Variants in PCF11 observed in about 807,000 individuals in gnomAD.
PCF11 encodes the protein pre-mRNA cleavage complex 2 protein Pcf11.
A neutral mutation model predicts 166.1 loss-of-function variants in PCF11; 19 were observed. The ratio of observed to expected loss-of-function variants is 0.11; its 90% CI spans 0.08 to 0.17. The LOEUF (loss-of-function observed/expected upper bound fraction) is 0.17. PCF11 is among the 10% of genes least tolerant of loss of function. The pLI, the probability that PCF11 is intolerant of heterozygous loss-of-function variation, is 1.00. For missense variants in PCF11, 1,565 were observed against 1,855.5 expected (o/e 0.84, Z 2.88); for synonymous variants, 663 against 644.1 (o/e 1.03, Z -0.44).
exon 8 of PCF11, chr11:83,168,704 G>A (rs753536319): frequency 2.5e-6 from 4 of 1,613,928 alleles, no homozygotes; most frequent in East Asian, 2.2e-5. Flanking sequence ...GCTTCTCTTC[G>A]GTTTGATGGG....
chr11:83,168,728 TGGG>T (rs754656337), exon 8 of PCF11: 130 of 1,613,550 alleles, frequency 8.1e-5, no homozygotes, highest in Non-Finnish European at 1.0e-4. Context: ...CCAGGACAAA[TGGG>T]GGGAGGAGGC....
exon 16 of PCF11, chr11:83,184,982 T>A (rs1222912750): frequency 8.8e-6 from 7 of 798,536 alleles, no homozygotes; most frequent in South Asian, 7.4e-5. Context: ...TATATAGACA[T>A]ATCTATATAA....
chr11:83,167,697 G>A lies in PCF11; in HGVS notation c.2092+192G>A. 1.3e-6 allele frequency: 2 copies of A among 1,509,206 alleles called. No homozygotes were observed. Among genetic ancestry groups the A allele is most frequent in the Non-Finnish European group, 1.8e-6 (2 of 1,130,680 alleles). 93.5% of individuals were successfully genotyped at this position (1,509,206 alleles called of 1,614,324 possible). A position where few individuals can be genotyped will look rare whatever the true frequency, so the allele number is the denominator to read the frequency against. ...TGATATTTTTGACTACCCTTTGACT[G>A]ATGCCTTGTTGTCTGGAATAGAATG... On this transcript the variant is annotated intron_variant, in intron 7 of 15. Coordinates refer to ENST00000298281, the Ensembl canonical transcript of PCF11. The surrounding 1 kb of genome is among the most constrained non-coding windows in gnomAD (Gnocchi z 4.2).
In PCF11 at chr11:83,179,777, C is replaced by T. The variant is rs112909373; in HGVS notation, c.3984-1231C>T. Among the ~76,000 whole-genome samples, 178 of 151,924 alleles carry T rather than the reference C, an allele frequency of 1.2e-3. 1 individual carries two copies. Among genetic ancestry groups the T allele is most frequent in the African/African-American group, 4.1e-3 (169 of 41,470 alleles). On this transcript the variant is annotated intron_variant, in intron 11 of 15. Coordinates refer to ENST00000298281, the Ensembl canonical transcript of PCF11. ...ACTAGAAATACTAAAATTAGCTGGGCGTGGTAGTGGGCACTTGTAATCCCA... is the reference window on the plus strand; with the variant it reads ...ACTAGAAATACTAAAATTAGCTGGGTGTGGTAGTGGGCACTTGTAATCCCA...
At chr11:83,163,332 T>C (rs1337255202) in intron 2 of PCF11, among the ~76,000 whole-genome samples, 2 of 152,146 alleles carry the variant, frequency 1.3e-5, no homozygotes, top group Non-Finnish European at 2.9e-5. Context: ...ATTTTTCTAG[T>C]TGTTTTATAT....
At chr11:83,177,161 A>G in exon 10 of PCF11, 1 of 1,578,754 alleles carries the variant, frequency 6.3e-7, no homozygotes, top group South Asian at 1.2e-5. Context: ...AATTGCTAAA[A>G]ACAGGAATTC....
At chr11:83,175,302 T>C (rs1860837375) in intron 9 of PCF11, among the ~76,000 whole-genome samples, 1 of 152,140 alleles carries the variant, frequency 6.6e-6, no homozygotes, top group Non-Finnish European at 1.5e-5. Context: ...CGGCTAATTT[T>C]TGTATTTTTT....
chr11:83,173,460 A>G (rs1452808325), intron 9 of PCF11, among the ~76,000 whole-genome samples: 1 of 151,594 alleles, frequency 6.6e-6, no homozygotes, highest in Non-Finnish European at 1.5e-5. Flanking sequence ...TCTCAGAAAA[A>G]AAACCAAAAA....
chr11:83,185,283 C>T (rs962056580), exon 16 of PCF11: 9 of 156,254 alleles, frequency 5.8e-5, no homozygotes, highest in African/African-American at 2.2e-4. Context: ...GAACAGCAAC[C>T]TCAACATAAG....
At chr11:83,161,238 G>C in intron 1 of PCF11, 89 bp from the exon 2 acceptor site, 1 of 975,518 alleles carries the variant, frequency 1.0e-6, no homozygotes, top group South Asian at 1.6e-5. Context: ...CAAAAATAGA[G>C]GTCTGTATTG....
chr11:83,157,754 C>T, intron 1 of PCF11, 123 bp downstream of exon 1: 2 of 865,122 alleles, frequency 2.3e-6, no homozygotes, highest in Non-Finnish European at 3.7e-6. Flanking sequence ...CCCCCCCACC[C>T]CCCTCCAACT....
At chr11:83,181,947 C>G in exon 13 of PCF11, 1 of 1,612,836 alleles carries the variant, frequency 6.2e-7, no homozygotes, top group African/African-American at 1.3e-5. Flanking sequence ...GCTCAAAACT[C>G]AAGAGGCTGC....
chr11:83,186,510 T>TA (rs1384919980), exon 16 of PCF11: 1 of 152,256 alleles, frequency 6.6e-6, no homozygotes, highest in Non-Finnish European at 1.5e-5. Flanking sequence ...GTGCTGGGAT[T>TA]ACAGGCATGA....
At chr11:83,169,139 G>T in exon 8 of PCF11, 8 of 1,613,808 alleles carry the variant, frequency 5.0e-6, no homozygotes, top group Non-Finnish European at 6.8e-6. Context: ...GGACCTCATG[G>T]TCAGCCAGGA....
Position 83,182,464 on chromosome 11 carries a change from GA to G in PCF11, c.4394del (p.Asn1465MetfsTer5). ...ATGAAGAAGAGGAGGAATGGCATTTGAAAAATGCTATTAGAGTAGATGGAAA... is the reference window on the plus strand; with the variant it reads ...ATGAAGAAGAGGAGGAATGGCATTTGAAAATGCTATTAGAGTAGATGGAAA... On this transcript the variant is annotated frameshift_variant, in exon 14 of 16. Coordinates refer to ENST00000298281, the Ensembl canonical transcript of PCF11. LOFTEE classifies it high-confidence loss of function. 6 of 1,556,974 alleles carry G rather than the reference GA, an allele frequency of 3.9e-6. No individual in the cohort carries two copies. The highest frequency in any genetic ancestry group is 5.3e-6 in the Non-Finnish European group (6 of 1,128,796).
At chr11:83,172,180 C>A (rs1860712494) in intron 9 of PCF11, among the ~76,000 whole-genome samples, 1 of 152,032 alleles carries the variant, frequency 6.6e-6, no homozygotes, top group African/African-American at 2.4e-5. Flanking sequence ...TGGGTGGAAA[C>A]TGGGAGTGGG....
Position 83,168,817 on chromosome 11 carries a change from G to A in PCF11, c.2482G>A (p.Val828Met), listed in dbSNP as rs1259186588. Reference sequence around the variant, plus strand: ...GAGATTTGAAGGTCCTCCAGGACCAGTGGGGACACCTCTGCGGTTTGAGGG... The same window carrying A: ...GAGATTTGAAGGTCCTCCAGGACCAATGGGGACACCTCTGCGGTTTGAGGG... Residue 828 changes from valine (V) to methionine (M), a missense_variant, in exon 8 of 16, where the codon GTG becomes ATG. Physicochemically the swap from Val to Met is conservative, Grantham distance 21. Transcript: ENST00000298281. 9.9e-6 allele frequency: 16 copies of A among 1,613,792 alleles called. 1 individual carries two copies. Among genetic ancestry groups the A allele is most frequent in the Non-Finnish European group, 1.3e-5 (15 of 1,179,868 alleles).
At chr11:83,169,808 T>C (rs765924212) in exon 8 of PCF11, 2 of 1,613,704 alleles carry the variant, frequency 1.2e-6, no homozygotes, top group Non-Finnish European at 1.7e-6. Flanking sequence ...CATGAACAAA[T>C]ATTTGATTCA....
chr11:83,167,063 TA>T lies in PCF11; in HGVS notation c.1818-61del. 1 of 1,290,242 alleles carries T rather than the reference TA, an allele frequency of 7.8e-7. No individual in the cohort carries two copies. The highest frequency in any genetic ancestry group is 2.3e-5 in the East Asian group (1 of 42,772). The allele number at this position is 1,290,242 out of a possible 1,614,324, so 79.9% of individuals were successfully genotyped here. A position where few individuals can be genotyped will look rare whatever the true frequency, so the allele number is the denominator to read the frequency against. On this transcript the variant is annotated intron_variant, in intron 5 of 15. Coordinates refer to ENST00000298281, the Ensembl canonical transcript of PCF11. This position sits in a 1 kb window ranked among gnomAD's most constrained non-coding sequence, Gnocchi z 4.2. Reference sequence around the variant, plus strand: ...ATATCCTTTGAAAAGAATCTTTAAATATGGTCCTGAGTATTTTTTAAAAAAA... The same window carrying T: ...ATATCCTTTGAAAAGAATCTTTAAATTGGTCCTGAGTATTTTTTAAAAAAA...
Sources: allele counts gnomAD v4.1 joint callset (sites outside exome capture counted in the v4.1 genomes callset), GRCh38; gene constraint gnomAD v4.1.1; non-coding constraint Gnocchi (gnomAD v3.1); transcripts MANE v1.5; gene names NCBI Gene and HGNC (gene_info 2026-07-23, HGNC 2026-07-21).